The following DOK6 variants were observed in gnomAD, a reference collection of about 807,000 sequenced individuals.
DOK6 encodes the protein downstream of tyrosine kinase 6.
A neutral mutation model predicts 44.0 loss-of-function variants in DOK6; 22 were observed. The ratio of observed to expected loss-of-function variants is 0.50; its 90% confidence interval spans 0.36 to 0.71. DOK6 has a LOEUF of 0.71. DOK6 is among the 30% of genes least tolerant of loss of function. The probability of loss-of-function intolerance (pLI) is 0.00; values close to 1 mark genes in which losing one functional copy is unlikely to be tolerated. For missense variants in DOK6, 340 were observed against 416.4 expected (o/e 0.82, Z 1.60); for synonymous variants, 166 against 145.5 (o/e 1.14, Z -1.01).
intron 5 of DOK6, among the ~76,000 whole-genome samples, chr18:69,710,932 C>G (rs1186161643): frequency 6.6e-6 from 1 of 152,202 alleles, no homozygotes; most frequent in African/African-American, 2.4e-5. Context: ...GATACAGAGA[C>G]ACTAGAGGTG....
intron 7 of DOK6, among the ~76,000 whole-genome samples, chr18:69,794,110 A>G (rs1413515808): frequency 6.6e-6 from 1 of 152,150 alleles, no homozygotes; most frequent in East Asian, 1.9e-4. Flanking sequence ...TGCTCAGTAC[A>G]TTTATGAAAT....
chr18:69,664,824 G>A (rs904772744), intron 3 of DOK6, among the ~76,000 whole-genome samples: 5 of 152,188 alleles, frequency 3.3e-5, no homozygotes, highest in African/African-American at 1.2e-4. Context: ...AGCTGAACAA[G>A]AAACTGTGCA....
chr18:69,522,922 T>A (rs778940455), intron 1 of DOK6, among the ~76,000 whole-genome samples: 1 of 152,118 alleles, frequency 6.6e-6, no homozygotes, highest in Admixed American at 6.6e-5. Context: ...GAGATCAAAG[T>A]GTGTCTTTTT....
chr18:69,556,407 T>C (rs573994233), intron 1 of DOK6, among the ~76,000 whole-genome samples: 173 of 152,272 alleles, frequency 1.1e-3, no homozygotes, highest in African/African-American at 3.9e-3. Flanking sequence ...GTTGAGCCTT[T>C]CCTCACCACA....
chr18:69,533,087 TA>T lies in DOK6; in HGVS notation c.67-31394del, dbSNP rs933856991. ...AAGGAATATCGGTGAAGTATCCTCT[TA>T]AAAAATATCACATTTAGATGTGCTA... On this transcript the variant is annotated intron_variant, in intron 1 of 7. Coordinates refer to ENST00000382713, the MANE Select transcript of DOK6 (RefSeq NM_152721.6). 1.1e-3 allele frequency among the ~76,000 whole-genome samples: 160 copies of T among 152,154 alleles called. 1 individual carries two copies. The highest frequency in any genetic ancestry group is 3.4e-3 in the African/African-American group (142 of 41,518).
At chr18:69,798,331 AG>A (rs1438349763) in intron 7 of DOK6, among the ~76,000 whole-genome samples, 1 of 152,086 alleles carries the variant, frequency 6.6e-6, no homozygotes. Context: ...TCTGGGTAGG[AG>A]GGCAAAGTTC....
intron 7 of DOK6, among the ~76,000 whole-genome samples, chr18:69,818,578 G>T (rs191332307): frequency 4.6e-5 from 7 of 152,226 alleles, no homozygotes; most frequent in Admixed American, 3.9e-4. Flanking sequence ...ATAGAATCAG[G>T]CTCGCCCAAA....
chr18:69,677,700 A>G (rs2144685819), intron 3 of DOK6, 34 bp from the exon 4 acceptor site: 3 of 1,611,790 alleles, frequency 1.9e-6, no homozygotes, highest in Non-Finnish European at 1.7e-6. Flanking sequence ...CCTAGGGAGC[A>G]TTGCTTGACT....
intron 1 of DOK6, among the ~76,000 whole-genome samples, chr18:69,498,545 T>C (rs1980959703): frequency 6.6e-6 from 1 of 152,188 alleles, no homozygotes; most frequent in Non-Finnish European, 1.5e-5. Flanking sequence ...CACATATAAT[T>C]AGATATGATG....
At chr18:69,426,762 T>G (rs961282770) in intron 1 of DOK6, among the ~76,000 whole-genome samples, 1 of 152,178 alleles carries the variant, frequency 6.6e-6, no homozygotes, top group Non-Finnish European at 1.5e-5. Flanking sequence ...CTCCACCTAG[T>G]CATTCTTCAT....
chr18:69,823,805 T>C (rs1981648698), intron 7 of DOK6, among the ~76,000 whole-genome samples: 1 of 152,160 alleles, frequency 6.6e-6, no homozygotes, highest in African/African-American at 2.4e-5. Flanking sequence ...CTATCAAGGT[T>C]CTTCTATGAT....
intron 6 of DOK6, among the ~76,000 whole-genome samples, chr18:69,753,728 T>C (rs1049460014): frequency 6.6e-6 from 1 of 152,042 alleles, no homozygotes; most frequent in African/African-American, 2.4e-5. Context: ...CCTGACCCTA[T>C]GCAAAAAGGA....
chr18:69,406,855 C>T (rs2122383303), intron 1 of DOK6, among the ~76,000 whole-genome samples: 1 of 152,202 alleles, frequency 6.6e-6, no homozygotes, highest in East Asian at 1.9e-4. Context: ...CCGAGGCTGG[C>T]GGATCACCTG....
rs147644383 is a variant in DOK6 at position 69,846,836 on chromosome 18, G to T, written c.*5453G>T. ...TACATTTTTTTCATGTGAGCCTCAA[G>T]AAGCTTCCATTATCAACAAGAATTG... On this transcript the variant is annotated 3_prime_UTR_variant, in exon 8 of 8. Transcript: ENST00000382713. The T allele has an allele frequency of 3.3e-3, 507 of 152,198 alleles. 5 individuals are homozygous for T. Among genetic ancestry groups the T allele is most frequent in the African/African-American group, 0.012 (488 of 41,522 alleles). 9.4% of individuals were successfully genotyped at this position (152,198 alleles called of 1,614,324 possible). A position where few individuals can be genotyped will look rare whatever the true frequency, so the allele number is the denominator to read the frequency against.
At chr18:69,742,805 C>T (rs1320242865) in intron 6 of DOK6, among the ~76,000 whole-genome samples, 2 of 152,156 alleles carry the variant, frequency 1.3e-5, no homozygotes, top group Non-Finnish European at 2.9e-5. Flanking sequence ...AAAAGTTTTC[C>T]ATACCTCAAT....
Position 69,844,368 on chromosome 18 carries a change from A to G in DOK6, c.*2985A>G, listed in dbSNP as rs1982302085. ...AATGATAAAGGAACCCAACGTAAGG[A>G]ATAGCAGTTCTGAAAATAGACAAAG... is the stretch of plus-strand genomic sequence containing the variant. On this transcript the variant is annotated 3_prime_UTR_variant, in exon 8 of 8. Coordinates refer to ENST00000382713, the MANE Select transcript of DOK6 (RefSeq NM_152721.6). 1 of 152,182 alleles carries G rather than the reference A, an allele frequency of 6.6e-6. No homozygotes were observed. The highest frequency in any genetic ancestry group is 2.4e-5 in the African/African-American group (1 of 41,444). 9.4% of individuals were successfully genotyped at this position (152,182 alleles called of 1,614,324 possible). A position where few individuals can be genotyped will look rare whatever the true frequency, so the allele number is the denominator to read the frequency against.
chr18:69,695,038 A>AT (rs1459818078), intron 4 of DOK6, among the ~76,000 whole-genome samples: 2 of 152,190 alleles, frequency 1.3e-5, no homozygotes, highest in African/African-American at 4.8e-5. Flanking sequence ...ATTAGATAAC[A>AT]CTTTTGAAAA....
chr18:69,461,591 T>C (rs1298995697), intron 1 of DOK6, among the ~76,000 whole-genome samples: 1 of 152,236 alleles, frequency 6.6e-6, no homozygotes, highest in African/African-American at 2.4e-5. Flanking sequence ...CTATTAATGT[T>C]ATGCTTTCCT....
At chr18:69,420,715 C>A (rs1373537760) in intron 1 of DOK6, among the ~76,000 whole-genome samples, 1 of 152,080 alleles carries the variant, frequency 6.6e-6, no homozygotes, top group African/African-American at 2.4e-5. Flanking sequence ...TGATTTCTAG[C>A]GCCTTCTCAG....
Sources: gnomAD v4.1 joint callset for allele counts (sites outside exome capture counted in the v4.1 genomes callset) on GRCh38, gnomAD v4.1.1 for gene constraint, MANE v1.5 for transcripts, NCBI Gene and HGNC (gene_info 2026-07-23, HGNC 2026-07-21) for gene names.